Variants in DLC1 observed in about 807,000 individuals in gnomAD.
DLC1 encodes the protein rho GTPase-activating protein 7.
DLC1 carries 54 observed loss-of-function variants against 140.3 expected under a neutral mutation model. The observed-to-expected ratio is 0.38, with a 90% CI of 0.31 to 0.48. The LOEUF (loss-of-function observed/expected upper bound fraction) is 0.48, where lower values mean the gene tolerates loss of function less well. Ranked by LOEUF, DLC1 falls within the 20% of genes least tolerant of loss-of-function variation. The probability of loss-of-function intolerance (pLI) is 0.96; values close to 1 mark genes in which losing one functional copy is unlikely to be tolerated. For synonymous variants in DLC1, 986 were observed against 728.1 expected (o/e 1.35, Z -5.70); for missense variants, 2,536 against 1,907.0 (o/e 1.33, Z -6.14).
At chr8:13,125,041 A>G (rs1475902214) in intron 5 of DLC1, among the ~76,000 whole-genome samples, 4 of 152,076 alleles carry the variant, frequency 2.6e-5, no homozygotes, top group Non-Finnish European at 4.4e-5. Context: ...CAGTAGCACA[A>G]TCTCAACTCA....
In DLC1 at chr8:13,543,829, T is replaced by C. The variant is rs994510448; in HGVS notation, c.-125-43633A>G. 3.3e-5 allele frequency among the ~76,000 whole-genome samples: 5 copies of C among 152,086 alleles called. No individual in the cohort carries two copies. In the South Asian group the frequency reaches 6.2e-4, roughly 19 times the overall value. ...GCATACAAAGTGGTATAATGGACTT[T>C]GGAGACTCAGAAGAGGGGAGGGCGA... is the stretch of plus-strand genomic sequence containing the variant. On this transcript the variant is annotated intron_variant, in intron 1 of 1. Coordinates refer to the DLC1 transcript ENST00000631382.
chr8:13,295,780 T>C (rs78444010), intron 5 of DLC1, among the ~76,000 whole-genome samples: 73 of 152,174 alleles, frequency 4.8e-4, no homozygotes, highest in African/African-American at 1.7e-3. Flanking sequence ...AAAGTAAACA[T>C]ACCTCTCCAA....
chr8:13,120,356 A>AAAAAAAAATATACATATATATATATAT, intron 5 of DLC1, among the ~76,000 whole-genome samples: 1 of 61,124 alleles, frequency 1.6e-5, no homozygotes, highest in Non-Finnish European at 3.8e-5. Context: ...AAAAAAAAAA[A>AAAAAAAAATATACATATATATATATAT]ATATATATAT....
chr8:13,591,551 T>A (rs1361712632), intron 1 of DLC1, among the ~76,000 whole-genome samples: 2 of 152,124 alleles, frequency 1.3e-5, no homozygotes, highest in Non-Finnish European at 2.9e-5. Flanking sequence ...AAACCTCTTT[T>A]CTTCATAAAT....
At chr8:13,391,067 C>G (rs891481987) in intron 4 of DLC1, among the ~76,000 whole-genome samples, 1 of 151,538 alleles carries the variant, frequency 6.6e-6, no homozygotes, top group African/African-American at 2.4e-5. Flanking sequence ...AAAGAAATTT[C>G]GTAAAAGTCG....
At chr8:13,539,654 G>T (rs1231897185) in intron 1 of DLC1, among the ~76,000 whole-genome samples, 1 of 152,036 alleles carries the variant, frequency 6.6e-6, no homozygotes, top group African/African-American at 2.4e-5. Context: ...CAGGGAAAGT[G>T]TTTCTGGTTA....
At chr8:13,459,924 T>C (rs888187572) in intron 2 of DLC1, among the ~76,000 whole-genome samples, 1 of 152,126 alleles carries the variant, frequency 6.6e-6, no homozygotes, top group Non-Finnish European at 1.5e-5. Flanking sequence ...TCTCGCCCAA[T>C]ATCGCTTTGT....
At chr8:13,249,369 C>G (rs574288902) in intron 5 of DLC1, among the ~76,000 whole-genome samples, 4 of 152,168 alleles carry the variant, frequency 2.6e-5, no homozygotes, top group African/African-American at 9.7e-5. Context: ...TGAGCCACCA[C>G]GTCCGGCCAC....
intron 4 of DLC1, among the ~76,000 whole-genome samples, chr8:13,357,136 T>A (rs1359082886): frequency 6.6e-6 from 1 of 151,984 alleles, no homozygotes; most frequent in Admixed American, 6.5e-5. Flanking sequence ...TGGGGCATGG[T>A]GATGTGTGCC....
intron 1 of DLC1, among the ~76,000 whole-genome samples, chr8:13,594,026 G>C (rs962546006): frequency 6.6e-6 from 1 of 152,022 alleles, no homozygotes; most frequent in Non-Finnish European, 1.5e-5. Flanking sequence ...TGGACATGGT[G>C]GTTCATGCCT....
chr8:13,600,184 G>C (rs36106719), intron 1 of DLC1, among the ~76,000 whole-genome samples: 38,902 of 151,628 alleles, frequency 0.26, 5,947 homozygotes, highest in Non-Finnish European at 0.35. Context: ...ATTTCTTTGT[G>C]AATCTTGATT....
At chr8:13,209,214 T>C (rs1344308445) in intron 5 of DLC1, among the ~76,000 whole-genome samples, 1 of 152,180 alleles carries the variant, frequency 6.6e-6, no homozygotes, top group Non-Finnish European at 1.5e-5. Flanking sequence ...GATGTTTGTC[T>C]GTGACTATCA....
At chr8:13,368,304 G>A (rs1056180261) in intron 4 of DLC1, among the ~76,000 whole-genome samples, 3 of 151,538 alleles carry the variant, frequency 2.0e-5, no homozygotes, top group Non-Finnish European at 1.5e-5. Flanking sequence ...AAATTCATAC[G>A]TTCCTTTCTT....
intron 5 of DLC1, among the ~76,000 whole-genome samples, chr8:13,273,577 C>G (rs887246765): frequency 6.6e-6 from 1 of 152,048 alleles, no homozygotes; most frequent in Non-Finnish European, 1.5e-5. Context: ...GCTGCAGATG[C>G]TTAAAAATAA....
intron 5 of DLC1, among the ~76,000 whole-genome samples, chr8:13,132,616 G>GC (rs1245184528): frequency 2.0e-5 from 3 of 152,132 alleles, no homozygotes; most frequent in African/African-American, 7.2e-5. Context: ...AGAGCCGCGA[G>GC]CCCCCGCCCG....
chr8:13,092,954 A>C, intron 12 of DLC1, 129 bp from the exon 13 acceptor site: 1 of 987,080 alleles, frequency 1.0e-6, no homozygotes, highest in Admixed American at 2.3e-5. Context: ...TAGAAAGTGC[A>C]CTAGAGGTTA....
At chr8:13,367,216 G>A (rs1835527340) in intron 4 of DLC1, among the ~76,000 whole-genome samples, 2 of 152,152 alleles carry the variant, frequency 1.3e-5, no homozygotes, top group South Asian at 4.1e-4. Context: ...GTCTTGCAAG[G>A]CTAGATCTGA....
At chr8:13,539,408 G>A (rs1409193539) in intron 1 of DLC1, among the ~76,000 whole-genome samples, 1 of 152,044 alleles carries the variant, frequency 6.6e-6, no homozygotes, top group East Asian at 1.9e-4. Context: ...CATCGTGTTA[G>A]CCAAGATGGT....
chr8:13,363,955 C>G (rs944603643), intron 4 of DLC1, among the ~76,000 whole-genome samples: 48 of 152,178 alleles, frequency 3.2e-4, no homozygotes, highest in African/African-American at 1.1e-3. Flanking sequence ...CTAAGAAGCT[C>G]TTTGAAATGT....
Sources: allele counts gnomAD v4.1 joint callset (sites outside exome capture counted in the v4.1 genomes callset), GRCh38; gene constraint gnomAD v4.1.1; transcripts MANE v1.5; gene names NCBI Gene and HGNC (gene_info 2026-07-23, HGNC 2026-07-21).